Variants in PPM1B observed in about 807,000 individuals in gnomAD.
The protein encoded by PPM1B is protein phosphatase 1B.
Under a neutral mutation model 43.0 loss-of-function variants are expected in PPM1B, and 22 were observed. That is an observed-to-expected ratio of 0.51 (90% CI 0.37 to 0.73). PPM1B has a LOEUF of 0.73. Among genes scored for constraint, PPM1B ranks in the 30% least tolerant of loss-of-function variants. The probability of loss-of-function intolerance (pLI) is 0.00; values close to 1 mark genes in which losing one functional copy is unlikely to be tolerated. For synonymous variants in PPM1B, 217 were observed against 197.9 expected (o/e 1.10, Z -0.81); for missense variants, 632 against 584.2 (o/e 1.08, Z -0.84).
chr2:44,193,372 G>T (rs1228067579), intron 1 of PPM1B, among the ~76,000 whole-genome samples: 1 of 151,610 alleles, frequency 6.6e-6, no homozygotes, highest in Non-Finnish European at 1.5e-5. Flanking sequence ...ATTTCAAAAA[G>T]CACTTTTCTT....
chr2:44,218,199 T>G (rs1174105860), intron 4 of PPM1B, 121 bp downstream of exon 4: 4 of 757,400 alleles, frequency 5.3e-6, no homozygotes, highest in Non-Finnish European at 8.8e-6. Flanking sequence ...TTAGTGTTTC[T>G]TATACTAGAG....
At chr2:44,185,941 TAAA>T (rs898084275) in intron 1 of PPM1B, among the ~76,000 whole-genome samples, 1 of 152,134 alleles carries the variant, frequency 6.6e-6, no homozygotes, top group African/African-American at 2.4e-5. Flanking sequence ...GGGGAGGACT[TAAA>T]TAATTTAATT....
At chr2:44,186,290 C>G (rs1024350605) in intron 1 of PPM1B, among the ~76,000 whole-genome samples, 1 of 152,166 alleles carries the variant, frequency 6.6e-6, no homozygotes, top group Admixed American at 6.6e-5. Context: ...AGAAATATTT[C>G]TTGGTAACAC....
downstream of PPM1B, among the ~76,000 whole-genome samples, chr2:44,236,583 G>T (rs1670630625): frequency 6.6e-6 from 1 of 151,940 alleles, no homozygotes; most frequent in Admixed American, 6.6e-5. Flanking sequence ...CCGTATATTT[G>T]AGCCAGGAAT....
At chr2:44,212,419 G>C (rs1669514841) in intron 3 of PPM1B, among the ~76,000 whole-genome samples, 1 of 152,096 alleles carries the variant, frequency 6.6e-6, no homozygotes, top group African/African-American at 2.4e-5. Flanking sequence ...TGCTTACTGT[G>C]GTTAGGCATG....
At chr2:44,194,870 C>G (rs1668584534) in intron 1 of PPM1B, among the ~76,000 whole-genome samples, 1 of 149,632 alleles carries the variant, frequency 6.7e-6, no homozygotes, top group Non-Finnish European at 1.5e-5. Context: ...ATAGTTCACT[C>G]TTTGCAAGAT....
chr2:44,229,918 G>A (rs1036695113), intron 5 of PPM1B: 64 of 1,309,710 alleles, frequency 4.9e-5, no homozygotes, highest in African/African-American at 3.1e-4. Context: ...ATTTTTATCC[G>A]TAAAAACTCT....
intron 1 of PPM1B, among the ~76,000 whole-genome samples, chr2:44,182,003 C>G (rs1226723600): frequency 2.0e-5 from 3 of 152,156 alleles, no homozygotes; most frequent in Non-Finnish European, 2.9e-5. Context: ...GTCAACACAA[C>G]TGTTAAGAGT....
intron 5 of PPM1B, among the ~76,000 whole-genome samples, chr2:44,225,815 C>G (rs960844088): frequency 2.6e-5 from 4 of 151,982 alleles, no homozygotes; most frequent in African/African-American, 9.7e-5. Flanking sequence ...CACCACCACG[C>G]CTGGCTAATT....
At chr2:44,173,397 T>C (rs1667441942) in intron 1 of PPM1B, among the ~76,000 whole-genome samples, 1 of 152,222 alleles carries the variant, frequency 6.6e-6, no homozygotes, top group Admixed American at 6.5e-5. Context: ...TTTTTCTTTT[T>C]AGTTTTCTTT....
At chr2:44,205,756 T>G (rs558912948) in intron 2 of PPM1B, among the ~76,000 whole-genome samples, 2 of 152,314 alleles carry the variant, frequency 1.3e-5, no homozygotes, top group South Asian at 4.1e-4. Flanking sequence ...AAAATTTCAT[T>G]TATATACCAT....
chr2:44,232,562 A>T, downstream of PPM1B: 1 of 1,394,168 alleles, frequency 7.2e-7, no homozygotes, highest in Non-Finnish European at 9.3e-7. Context: ...TTTTTTGCCA[A>T]CCTCAGGCAT....
downstream of PPM1B, among the ~76,000 whole-genome samples, chr2:44,244,715 G>T (rs1670822159): frequency 6.7e-6 from 1 of 149,928 alleles, no homozygotes; most frequent in Non-Finnish European, 1.5e-5. Context: ...GAACTGGCTT[G>T]TTCTACGCGA....
In PPM1B at chr2:44,201,631, C is replaced by G. The variant is rs368190875; in HGVS notation, c.432C>G (p.Ile144Met). The part of the protein sequence containing the change: ...AVGVMISPKH[I>M]YFINCGDSRA... ...GAGTTATGATTTCACCTAAGCATAT[C>G]TACTTTATCAACTGTGGTGATTCAC... Residue 144 changes from isoleucine (I) to methionine (M), a missense_variant, in exon 2 of 6, where the codon ATC (isoleucine) becomes ATG (methionine). By Grantham distance (10) the Ile-to-Met change is conservative. Around this residue, in one of 3 missense-constraint regions of PPM1B, gnomAD observed 200 missense variants for 200.7 expected, o/e 1.00. Coordinates refer to ENST00000282412, the MANE Select transcript of PPM1B (RefSeq NM_002706.6). The surrounding 1 kb of genome is among the most constrained non-coding windows in gnomAD (Gnocchi z 5.4). 2.5e-6 allele frequency: 4 copies of G among 1,614,156 alleles called. No individual in the cohort carries two copies. Among genetic ancestry groups the G allele is most frequent in the East Asian group, 2.2e-5 (1 of 44,888 alleles).
chr2:44,205,356 T>G (rs561167742), intron 2 of PPM1B, among the ~76,000 whole-genome samples: 22 of 145,184 alleles, frequency 1.5e-4, no homozygotes, highest in East Asian at 4.0e-4. Context: ...TGGGTGTGGG[T>G]GTGTGTGTGT....
At chr2:44,232,433 A>G, downstream of PPM1B, 1 of 1,573,664 alleles carries the variant, frequency 6.4e-7, no homozygotes, top group Non-Finnish European at 8.6e-7. Flanking sequence ...AGGGGAAAAT[A>G]TTCTTGCGGA....
At chr2:44,230,304 C>T (rs1670412134) in intron 5 of PPM1B, 109 bp from the exon 6 acceptor site, 2 of 1,517,470 alleles carry the variant, frequency 1.3e-6, no homozygotes, top group East Asian at 2.3e-5. Flanking sequence ...CATGCTTAGA[C>T]TATATTACTT....
intron 1 of PPM1B, among the ~76,000 whole-genome samples, chr2:44,171,772 G>T (rs1412072794): frequency 6.7e-6 from 1 of 148,342 alleles, no homozygotes; most frequent in Non-Finnish European, 1.5e-5. Flanking sequence ...GGAGGTTGCA[G>T]TGAGCCGAGA....
Position 44,209,238 on chromosome 2 carries a change from T to C in PPM1B, c.875T>C (p.Leu292Pro). ...KGSRDNMSIV[L>P]VCFSNAPKVS... Reference sequence around the variant, plus strand: ...AGTCGAGATAACATGAGTATTGTACTAGTTTGCTTTTCAAATGCTCCCAAG... The same window carrying C: ...AGTCGAGATAACATGAGTATTGTACCAGTTTGCTTTTCAAATGCTCCCAAG... The change falls in exon 3 of 6, where the codon CTA becomes CCA. Residue 292 changes from leucine (L) to proline (P), a missense_variant. Leu to Pro is a moderately conservative substitution (Grantham distance 98, BLOSUM62 -3). Transcript: ENST00000282412. The C allele has an allele frequency of 6.2e-7, 1 of 1,612,562 alleles. No homozygotes were observed. Among genetic ancestry groups the C allele is most frequent in the Admixed American group, 1.7e-5 (1 of 59,942 alleles).
Sources: gnomAD v4.1 joint callset for allele counts (sites outside exome capture counted in the v4.1 genomes callset) on GRCh38, gnomAD v4.1.1 for gene constraint, gnomAD v4.1.1 regional missense constraint, Gnocchi (gnomAD v3.1) non-coding constraint, MANE v1.5 for transcripts, NCBI Gene and HGNC (gene_info 2026-07-23, HGNC 2026-07-21) for gene names.